The following DOCK11 variants were observed in gnomAD, a reference collection of about 807,000 sequenced individuals.
The protein encoded by DOCK11 is dedicator of cytokinesis 11.
In DOCK11, 70 loss-of-function variants were observed where a neutral mutation model predicts 169.1. That is an observed-to-expected ratio of 0.41 (90% confidence interval 0.34 to 0.51). The LOEUF (loss-of-function observed/expected upper bound fraction) is 0.51. Among genes scored for constraint, DOCK11 ranks in the 20% least tolerant of loss-of-function variants. DOCK11 has a pLI of 0.10. For missense variants in DOCK11, 1,166 were observed against 1,538.8 expected, an observed-to-expected ratio of 0.76 and a Z score of 4.05; for synonymous variants, 529 against 541.3, an observed-to-expected ratio of 0.98 and a Z score of 0.32.
intron 6 of DOCK11, among the ~76,000 whole-genome samples, chrX:118,552,037 CAA>C (rs60335385): frequency 2.7e-5 from 2 of 75,389 alleles, no homozygotes; most frequent in Admixed American, 1.7e-4. Context: ...CACTCTGTCT[CAA>C]AAAAAAAAAA....
chrX:118,606,403 A>G (rs1042589762), intron 24 of DOCK11, among the ~76,000 whole-genome samples: 2 of 112,528 alleles, frequency 1.8e-5, no homozygotes, highest in Admixed American at 9.4e-5. Context: ...TTTTAATTTT[A>G]ATCAATTTAA....
At chrX:118,680,813 AGTTAC>A in intron 49 of DOCK11, 121 bp downstream of exon 49, 1 of 663,221 alleles carries the variant, frequency 1.5e-6, no homozygotes, top group Non-Finnish European at 2.2e-6. Context: ...TCTGCTGTTC[AGTTAC>A]AAGTTTGCAC....
intron 18 of DOCK11, among the ~76,000 whole-genome samples, chrX:118,588,981 C>T (rs1057037572): frequency 8.9e-6 from 1 of 112,166 alleles, no homozygotes; most frequent in African/African-American, 3.2e-5. Flanking sequence ...AAATACCTGT[C>T]ACACCACAGT....
intron 44 of DOCK11, among the ~76,000 whole-genome samples, chrX:118,658,116 T>C (rs2016123704): frequency 8.9e-6 from 1 of 111,895 alleles, no homozygotes; most frequent in Admixed American, 9.5e-5. Context: ...GAATTTACAC[T>C]TAAGACCAAC....
Position 118,680,616 on chromosome X carries a change from T to G in DOCK11, c.5595T>G (p.Phe1865Leu), listed in dbSNP as rs1186011156. 5.0e-6 allele frequency: 6 copies of G among 1,211,038 alleles called. No individual in the cohort carries two copies. In the Admixed American group the frequency reaches 1.3e-4, roughly 26 times the overall value. ...ERNHNISRFV[F>L]EAPYTLSGKK... ...ATCATAATATCAGCAGATTTGTTTT[T>G]GAGGCCCCTTACACTTTATCAGGCA... is the stretch of plus-strand genomic sequence containing the variant. Residue 1865 changes from phenylalanine (F) to leucine (L), a missense_variant, in exon 49 of 53, where the codon TTT becomes TTG. Phe to Leu is a conservative substitution (Grantham distance 22). Transcript: ENST00000276202.
intron 16 of DOCK11, among the ~76,000 whole-genome samples, chrX:118,586,314 A>G (rs1185494982): frequency 4.5e-5 from 5 of 111,528 alleles, no homozygotes; most frequent in Non-Finnish European, 9.4e-5. Context: ...ATTGACTCAC[A>G]GTTCTGTATG....
intron 1 of DOCK11, among the ~76,000 whole-genome samples, chrX:118,508,703 A>G (rs761131948): frequency 6.2e-5 from 7 of 112,147 alleles, no homozygotes; most frequent in African/African-American, 1.9e-4. Context: ...GGAGCAAAGA[A>G]AGCCCTCCCT....
intron 19 of DOCK11, among the ~76,000 whole-genome samples, chrX:118,592,262 G>A (rs1168319987): frequency 9.5e-6 from 1 of 104,853 alleles, no homozygotes; most frequent in African/African-American, 3.5e-5. Context: ...GTGTAAAAGT[G>A]TTCCTATTTC....
intron 23 of DOCK11, among the ~76,000 whole-genome samples, chrX:118,600,429 A>G (rs4825593): frequency 1.1e-4 from 12 of 106,851 alleles, no homozygotes; most frequent in Non-Finnish European, 2.1e-4. Context: ...AAAAAAGAAA[A>G]AAGAAAAAGA....
chrX:118,573,072 A>G (rs779811487), intron 11 of DOCK11, among the ~76,000 whole-genome samples: 2 of 112,594 alleles, frequency 1.8e-5, no homozygotes, highest in Admixed American at 1.9e-4. Context: ...CTCATGGATC[A>G]TTTGAGTTGC....
intron 20 of DOCK11, among the ~76,000 whole-genome samples, chrX:118,596,191 C>A (rs1344263642): frequency 2.7e-5 from 3 of 112,052 alleles, no homozygotes; most frequent in African/African-American, 9.7e-5. Context: ...TTTAGTTTAA[C>A]TACTTTGACA....
In DOCK11 at chrX:118,545,295, GTCTAAGACAGTTC is replaced by G; in HGVS notation, c.393-24_393-12del. 1 of 1,062,496 alleles carries G rather than the reference GTCTAAGACAGTTC, an allele frequency of 9.4e-7. No individual in the cohort carries two copies. Among genetic ancestry groups the G allele is most frequent in the Non-Finnish European group, 1.3e-6 (1 of 778,627 alleles). The allele number at this position is 1,062,496 out of a possible 1,213,427, so 87.6% of individuals were successfully genotyped here. A position where few individuals can be genotyped will look rare whatever the true frequency, so the allele number is the denominator to read the frequency against. On this transcript the variant is annotated splice_polypyrimidine_tract_variant and intron_variant, in intron 4 of 52. Transcript: ENST00000276202. ...TCTTTTTTTTTTTGGTCTTTTTAGT[GTCTAAGACAGTTC>G]TCTTATATTTGCAGTAAATCTTTGA...
At chrX:118,600,004 C>G (rs2014284962) in intron 23 of DOCK11, among the ~76,000 whole-genome samples, 2 of 111,972 alleles carry the variant, frequency 1.8e-5, no homozygotes, top group South Asian at 7.4e-4. Flanking sequence ...ATGTCACTTA[C>G]TAGCTCTGTA....
intron 1 of DOCK11, among the ~76,000 whole-genome samples, chrX:118,521,840 A>G (rs1299287117): frequency 1.8e-5 from 2 of 112,067 alleles, no homozygotes; most frequent in Non-Finnish European, 3.8e-5. Flanking sequence ...CAAATGTAAC[A>G]TATCAATAAG....
At chrX:118,513,234 A>C (rs370444742) in intron 1 of DOCK11, among the ~76,000 whole-genome samples, 2 of 110,869 alleles carry the variant, frequency 1.8e-5, no homozygotes, top group African/African-American at 6.5e-5. Flanking sequence ...CAGAGCCATC[A>C]CTGTGTTTAT....
intron 45 of DOCK11, among the ~76,000 whole-genome samples, chrX:118,668,397 A>C (rs1376254745): frequency 9.2e-6 from 1 of 108,971 alleles, no homozygotes; most frequent in Non-Finnish European, 1.9e-5. Context: ...TGTATATTAC[A>C]TTGTTTTTTT....
chrX:118,521,979 T>C (rs906473814), intron 1 of DOCK11, among the ~76,000 whole-genome samples: 19 of 111,974 alleles, frequency 1.7e-4, no homozygotes, highest in African/African-American at 6.2e-4. Context: ...CTTTAAAGCA[T>C]TGAAAATGTT....
chrX:118,650,634 A>G (rs958378233), intron 41 of DOCK11, among the ~76,000 whole-genome samples: 3 of 111,645 alleles, frequency 2.7e-5, no homozygotes, highest in African/African-American at 3.3e-5. Flanking sequence ...TAGGTCCTTT[A>G]CTATTTGCTT....
chrX:118,514,035 G>A (rs1027418305), intron 1 of DOCK11, among the ~76,000 whole-genome samples: 2 of 111,556 alleles, frequency 1.8e-5, no homozygotes, highest in African/African-American at 6.5e-5. Context: ...TCAATGGTGG[G>A]AACAAGTGGA....
Sources: allele counts gnomAD v4.1 joint callset (sites outside exome capture counted in the v4.1 genomes callset), GRCh38; gene constraint gnomAD v4.1.1; transcripts MANE v1.5; gene names NCBI Gene and HGNC (gene_info 2026-07-23, HGNC 2026-07-21).